The following SLC15A5 variants were observed in gnomAD, a reference collection of about 807,000 sequenced individuals.
The protein encoded by SLC15A5 is solute carrier family 15 member 5.
In SLC15A5, 58 loss-of-function variants were observed where a neutral mutation model predicts 56.1. The ratio of observed to expected loss-of-function variants is 1.03; its 90% CI spans 0.84 to 1.29. The LOEUF (loss-of-function observed/expected upper bound fraction) is 1.29, where lower values mean the gene tolerates loss of function less well. Ranked by LOEUF, SLC15A5 falls within the 50% of genes most tolerant of loss-of-function variation. The probability of loss-of-function intolerance (pLI) is 0.00; values close to 1 mark genes in which losing one functional copy is unlikely to be tolerated. For missense variants in SLC15A5, 681 were observed against 672.1 expected (o/e 1.01, Z -0.15); for synonymous variants, 264 against 250.5 (o/e 1.05, Z -0.51).
rs907661760 is a variant in SLC15A5, at chr12:16,271,936, C to T, written c.584+625G>A. 2.6e-5 allele frequency among the ~76,000 whole-genome samples: 4 copies of T among 152,094 alleles called. No homozygotes were observed. The highest frequency in any genetic ancestry group is 6.6e-5 in the Admixed American group (1 of 15,248). Reference sequence around the variant, plus strand: ...TATAAACTCTTTTAGGTGTTGGGAGCGAACTGGGTGAGAAACAGAGATGCT... The same window carrying T: ...TATAAACTCTTTTAGGTGTTGGGAGTGAACTGGGTGAGAAACAGAGATGCT... On this transcript the variant is annotated intron_variant, in intron 2 of 8. Transcript: ENST00000344941. This position sits in a 1 kb window ranked among gnomAD's most constrained non-coding sequence, Gnocchi z 8.0.
At chr12:16,208,093 A>C (rs10772907) in intron 7 of SLC15A5, among the ~76,000 whole-genome samples, 79,648 of 151,982 alleles carry the variant, frequency 0.52, 21,280 homozygotes, top group South Asian at 0.73. Flanking sequence ...ACCTCATTAA[A>C]AAACATGGGG....
intron 7 of SLC15A5, among the ~76,000 whole-genome samples, chr12:16,214,504 C>T (rs1288351613): frequency 1.3e-5 from 2 of 152,166 alleles, no homozygotes; most frequent in Non-Finnish European, 2.9e-5. Flanking sequence ...CCACATATAC[C>T]AGCCCAACTT....
At chr12:16,200,171 A>G (rs1296853492) in intron 7 of SLC15A5, among the ~76,000 whole-genome samples, 3 of 151,428 alleles carry the variant, frequency 2.0e-5, no homozygotes, top group East Asian at 1.9e-4. Flanking sequence ...ACAGAATGAC[A>G]AAGCTTAAAA....
chr12:16,228,272 AT>A (rs1864261943), intron 5 of SLC15A5, among the ~76,000 whole-genome samples: 1 of 152,170 alleles, frequency 6.6e-6, no homozygotes, highest in South Asian at 2.1e-4. Context: ...CTGAAAGAGG[AT>A]TGGGGAGGGA....
At chr12:16,201,933 CTT>C (rs1863961454) in intron 7 of SLC15A5, among the ~76,000 whole-genome samples, 1 of 152,086 alleles carries the variant, frequency 6.6e-6, no homozygotes, top group African/African-American at 2.4e-5. Flanking sequence ...AAATTGGACA[CTT>C]ATACCAGATA....
chr12:16,244,018 C>T (rs570608579), intron 4 of SLC15A5, among the ~76,000 whole-genome samples: 3 of 152,304 alleles, frequency 2.0e-5, no homozygotes, highest in Admixed American at 2.0e-4. Context: ...TTTAAAATCA[C>T]ATATATCTAT....
intron 6 of SLC15A5, among the ~76,000 whole-genome samples, chr12:16,219,503 A>G (rs781441637): frequency 1.3e-5 from 2 of 152,196 alleles, no homozygotes; most frequent in Non-Finnish European, 2.9e-5. Flanking sequence ...ATACAAGCCC[A>G]TTATTACTCT....
intron 7 of SLC15A5, among the ~76,000 whole-genome samples, chr12:16,205,279 A>T (rs1223737594): frequency 1.3e-5 from 2 of 151,894 alleles, no homozygotes; most frequent in Admixed American, 1.3e-4. Context: ...TGAAATTAAT[A>T]TCTTGAGGCA....
Position 16,272,581 on chromosome 12 carries a change from T to G in SLC15A5, c.564A>C (p.Lys188Asn). ...AFGLQEYGSQ[K>N]TMSFFNWFYW... is the part of the protein sequence containing the mutation. ...CTTACCAGTTAAAAAAAGACATCGT[T>G]TTTTGTGATCCATACTCCTGAAGGC... Residue 188 changes from lysine to asparagine, a missense_variant, in exon 2 of 9, where the codon AAA becomes AAC. By Grantham distance (94) the Lys-to-Asn change is moderately conservative. Coordinates refer to ENST00000344941, the MANE Select transcript of SLC15A5 (RefSeq NM_001170798.1). 6.5e-7 allele frequency: 1 copy of G among 1,536,858 alleles called. No homozygotes were observed. The highest frequency in any genetic ancestry group is 8.7e-7 in the Non-Finnish European group (1 of 1,146,620).
In SLC15A5 at chr12:16,194,433, A is replaced by G; in HGVS notation, c.1504T>C (p.Leu502=). ...AAGCTTTCTAAATTGCCTTTGTTTA[A>G]TGTGTTTGGAAACCAATTGCCTGTT... The part of the protein sequence containing the change: ...ISDGNWFPNT[L]NKGNLESFFF... Residue 502 remains leucine (L), a synonymous_variant, in exon 8 of 9, where the codon TTA becomes CTA. Coordinates refer to ENST00000344941, the MANE Select transcript of SLC15A5 (RefSeq NM_001170798.1). The G allele has an allele frequency of 6.5e-7, 1 of 1,534,748 alleles. No homozygotes were observed. Among genetic ancestry groups the G allele is most frequent in the African/African-American group, 1.4e-5 (1 of 73,052 alleles).
At chr12:16,258,321 CAAAT>C (rs1864598300) in intron 2 of SLC15A5, among the ~76,000 whole-genome samples, 1 of 151,936 alleles carries the variant, frequency 6.6e-6, no homozygotes, top group Non-Finnish European at 1.5e-5. Flanking sequence ...TAGGAAAACA[CAAAT>C]ACTCAGAAAT....
At chr12:16,256,684 C>G (rs988218948) in intron 3 of SLC15A5, among the ~76,000 whole-genome samples, 1 of 151,868 alleles carries the variant, frequency 6.6e-6, no homozygotes, top group Non-Finnish European at 1.5e-5. Context: ...ACGGTGAAAC[C>G]CCGTTTCTAC....
At chr12:16,265,938 T>C (rs547467342) in intron 2 of SLC15A5, among the ~76,000 whole-genome samples, 1 of 152,202 alleles carries the variant, frequency 6.6e-6, no homozygotes, top group Admixed American at 6.6e-5. Flanking sequence ...AGGTTCAAAA[T>C]AAATGGAGAT....
intron 7 of SLC15A5, among the ~76,000 whole-genome samples, chr12:16,205,246 G>C (rs1293797611): frequency 6.6e-6 from 1 of 151,642 alleles, no homozygotes. Context: ...AATAGACAAA[G>C]ATCAAAATAT....
At chr12:16,210,926 G>A (rs1864073860) in intron 7 of SLC15A5, among the ~76,000 whole-genome samples, 1 of 152,182 alleles carries the variant, frequency 6.6e-6, no homozygotes, top group African/African-American at 2.4e-5. Flanking sequence ...TAAAACCATT[G>A]TATGAGGGGG....
At chr12:16,255,746 C>T (rs1484226055) in intron 3 of SLC15A5, among the ~76,000 whole-genome samples, 2 of 151,344 alleles carry the variant, frequency 1.3e-5, no homozygotes, top group South Asian at 2.1e-4. Flanking sequence ...GTTTGTTACA[C>T]GATGAATATA....
chr12:16,221,664 T>C (rs528088500), intron 6 of SLC15A5, among the ~76,000 whole-genome samples: 1 of 152,244 alleles, frequency 6.6e-6, no homozygotes, highest in Admixed American at 6.5e-5. Context: ...TGATAGAACT[T>C]ATGTTTTGAG....
chr12:16,214,885 C>G (rs776095168), intron 7 of SLC15A5, among the ~76,000 whole-genome samples: 1 of 152,038 alleles, frequency 6.6e-6, no homozygotes, highest in Non-Finnish European at 1.5e-5. Context: ...CTAGGAATCT[C>G]CAAACTTGTG....
rs779433884 is a variant in SLC15A5 at position 16,243,605 on chromosome 12, G to A, written c.975+975C>T. On this transcript the variant is annotated intron_variant, in intron 4 of 8. Coordinates refer to ENST00000344941, the MANE Select transcript of SLC15A5 (RefSeq NM_001170798.1). This position sits in a 1 kb window ranked among gnomAD's most constrained non-coding sequence, Gnocchi z 4.4. ...TAAAAATCTTCTTAGCTTACAGGAT[G>A]TACAAAAATAGTGGACTGGATTTGG... Among the ~76,000 whole-genome samples, 3 of 152,038 alleles carry A rather than the reference G, an allele frequency of 2.0e-5. No homozygotes were observed. The highest frequency in any genetic ancestry group is 4.4e-5 in the Non-Finnish European group (3 of 68,006).
Sources: allele counts gnomAD v4.1 joint callset (sites outside exome capture counted in the v4.1 genomes callset), GRCh38; gene constraint gnomAD v4.1.1; non-coding constraint Gnocchi (gnomAD v3.1); transcripts MANE v1.5; gene names NCBI Gene and HGNC (gene_info 2026-07-23, HGNC 2026-07-21).